TENT2: variants seen among roughly 807,000 people sequenced by gnomAD.
TENT2 encodes the protein terminal nucleotidyltransferase 2.
TENT2 carries 44 observed loss-of-function variants against 72.2 expected under a neutral mutation model. That is an observed-to-expected ratio of 0.61 (90% CI 0.48 to 0.78). The LOEUF (loss-of-function observed/expected upper bound fraction) is 0.78. TENT2 is among the 30% of genes least tolerant of loss of function. The pLI, the probability that TENT2 is intolerant of heterozygous loss-of-function variation, is 0.00. For missense variants in TENT2, 541 were observed against 569.6 expected (o/e 0.95, Z 0.51); for synonymous variants, 212 against 192.5 (o/e 1.10, Z -0.84).
intron 6 of TENT2, among the ~76,000 whole-genome samples, chr5:79,642,507 C>T (rs1202538943): frequency 6.6e-6 from 1 of 151,966 alleles, no homozygotes; most frequent in Non-Finnish European, 1.5e-5. Flanking sequence ...GGCTAAAATT[C>T]TGTTTATTTT....
chr5:79,656,260 T>C (rs1797902646), intron 10 of TENT2, among the ~76,000 whole-genome samples: 1 of 151,836 alleles, frequency 6.6e-6, no homozygotes, highest in Non-Finnish European at 1.5e-5. Context: ...ATTGGATTTG[T>C]TTAAAACGAT....
chr5:79,634,527 T>C (rs1485291530), intron 4 of TENT2, among the ~76,000 whole-genome samples: 1 of 151,876 alleles, frequency 6.6e-6, no homozygotes, highest in African/African-American at 2.4e-5. Flanking sequence ...TTAGTAGAGA[T>C]GGGGTTTCAT....
At chr5:79,631,842 G>A (rs1345434739) in intron 4 of TENT2, among the ~76,000 whole-genome samples, 1 of 152,198 alleles carries the variant, frequency 6.6e-6, no homozygotes, top group African/African-American at 2.4e-5. Context: ...TAGGTGGAGT[G>A]ATTGGCCTTA....
intron 1 of TENT2, among the ~76,000 whole-genome samples, chr5:79,618,714 A>T (rs1300370972): frequency 6.6e-6 from 1 of 152,110 alleles, no homozygotes; most frequent in Non-Finnish European, 1.5e-5. Context: ...TCTAATTAGA[A>T]ACTCTAAAAG....
intron 10 of TENT2, among the ~76,000 whole-genome samples, chr5:79,654,258 C>T (rs898945736): frequency 1.3e-5 from 2 of 152,086 alleles, no homozygotes; most frequent in South Asian, 2.1e-4. Flanking sequence ...ATGGTGAAAC[C>T]CCGTCTCTAC....
At chr5:79,646,855 A>G (rs1789486208) in intron 8 of TENT2, among the ~76,000 whole-genome samples, 1 of 151,834 alleles carries the variant, frequency 6.6e-6, no homozygotes, top group Admixed American at 6.6e-5. Context: ...TGTAACCTCA[A>G]ATGCCTGGAC....
intron 4 of TENT2, among the ~76,000 whole-genome samples, chr5:79,628,389 G>A (rs1207984937): frequency 2.0e-5 from 3 of 152,184 alleles, no homozygotes; most frequent in East Asian, 1.9e-4. Context: ...TAGTGAGTTT[G>A]GTTTAGAATG....
chr5:79,679,263 G>T (rs999806484), intron 12 of TENT2, among the ~76,000 whole-genome samples: 1 of 152,080 alleles, frequency 6.6e-6, no homozygotes, highest in African/African-American at 2.4e-5. Context: ...TGAAAACCTG[G>T]TATGTACTAT....
At chr5:79,631,180 A>G (rs1407902570) in intron 4 of TENT2, among the ~76,000 whole-genome samples, 1 of 152,182 alleles carries the variant, frequency 6.6e-6, no homozygotes, top group Non-Finnish European at 1.5e-5. Flanking sequence ...GTGACAGCCC[A>G]AAATGCCTAT....
chr5:79,617,924 CT>C, intron 1 of TENT2, among the ~76,000 whole-genome samples: 1 of 152,008 alleles, frequency 6.6e-6, no homozygotes, highest in East Asian at 1.9e-4. Flanking sequence ...TGACATGTAA[CT>C]TTTTTACTGT....
chr5:79,680,426 T>C (rs1331912590), intron 13 of TENT2, among the ~76,000 whole-genome samples: 1 of 152,230 alleles, frequency 6.6e-6, no homozygotes, highest in African/African-American at 2.4e-5. Flanking sequence ...TAAAGTGCTA[T>C]GATGATGCAA....
intron 8 of TENT2, among the ~76,000 whole-genome samples, chr5:79,646,147 G>GC (rs1345034806): frequency 6.6e-6 from 1 of 151,948 alleles, no homozygotes; most frequent in East Asian, 1.9e-4. Context: ...ATTTAGAATG[G>GC]CCCCCAAGCA....
intron 12 of TENT2, among the ~76,000 whole-genome samples, chr5:79,676,420 G>A (rs1443734687): frequency 6.6e-6 from 1 of 151,864 alleles, no homozygotes; most frequent in Non-Finnish European, 1.5e-5. Context: ...TGCCGTCTCT[G>A]CTAAAAATAC....
chr5:79,665,980 TTTTC>T (rs1807392571), intron 11 of TENT2, among the ~76,000 whole-genome samples: 1 of 151,746 alleles, frequency 6.6e-6, no homozygotes, highest in Non-Finnish European at 1.5e-5. Flanking sequence ...TTCTTTTTTT[TTTTC>T]TTTCTTTTTT....
At chr5:79,634,922 A>G (rs1401993680) in intron 4 of TENT2, among the ~76,000 whole-genome samples, 4 of 151,612 alleles carry the variant, frequency 2.6e-5, no homozygotes, top group African/African-American at 4.9e-5. Context: ...GGCTCAAGCT[A>G]TGTTGCTGCC....
At position 79,645,175 on chromosome 5, in the gene TENT2, G is replaced by C. The variant is rs1274878087; in HGVS notation, c.804G>C (p.Lys268Asn). 1 of 1,607,730 alleles carries C rather than the reference G, an allele frequency of 6.2e-7. No homozygotes were observed. The highest frequency in any genetic ancestry group is 1.7e-5 in the Admixed American group (1 of 58,808). Residue 268 changes from lysine to asparagine, a missense_variant, in exon 8 of 15, where the codon AAG becomes AAC. Transcript: ENST00000453514. ...TTCGAGCAAAAGTGCCAATTGTGAA[G>C]TTCAGGGATAAAGTCAGGTAAATAA... ...QLIRAKVPIV[K>N]FRDKVSCVEF...
At chr5:79,623,115 A>G (rs1766485258) in intron 3 of TENT2, 137 bp from the exon 4 acceptor site, 3 of 587,724 alleles carry the variant, frequency 5.1e-6, no homozygotes, top group Non-Finnish European at 8.5e-6. Context: ...TAAGATCCAT[A>G]TAAAGCTAAT....
Position 79,687,645 on chromosome 5 carries a change from C to T in TENT2, c.*2372C>T, listed in dbSNP as rs1239663498. 1.3e-5 allele frequency among the ~76,000 whole-genome samples: 2 copies of T among 152,180 alleles called. No homozygotes were observed. Among genetic ancestry groups the T allele is most frequent in the Non-Finnish European group, 2.9e-5 (2 of 68,036 alleles). ...GGTACAGATGCAACCATTCTGCCTC[C>T]TCCCTACCCCCTCCCAAATATTTTT... On this transcript the variant is annotated 3_prime_UTR_variant, in exon 15 of 15. Transcript: ENST00000453514.
intron 11 of TENT2, among the ~76,000 whole-genome samples, chr5:79,664,485 C>T (rs1479680606): frequency 6.6e-6 from 1 of 151,790 alleles, no homozygotes; most frequent in Non-Finnish European, 1.5e-5. Flanking sequence ...GTCCCAGCTA[C>T]TCCGGAGGCT....
Sources: gnomAD v4.1 joint callset for allele counts (sites outside exome capture counted in the v4.1 genomes callset) on GRCh38, gnomAD v4.1.1 for gene constraint, MANE v1.5 for transcripts, NCBI Gene and HGNC (gene_info 2026-07-23, HGNC 2026-07-21) for gene names.